MCOLN2: variants seen among roughly 807,000 people sequenced by gnomAD.
The protein encoded by MCOLN2 is mucolipin TRP cation channel 2.
A neutral mutation model predicts 67.5 loss-of-function variants in MCOLN2; 57 were observed. The observed-to-expected ratio is 0.84, with a 90% confidence interval of 0.68 to 1.05. The LOEUF is 1.05. Ranked by LOEUF, MCOLN2 falls within the 50% of genes least tolerant of loss-of-function variation. The pLI is 0.00. For missense variants in MCOLN2, 620 were observed against 678.8 expected (o/e 0.91, Z 0.96); for synonymous variants, 246 against 233.3 (o/e 1.05, Z -0.50).
At chr1:84,980,025 G>A (rs1650177166) in intron 1 of MCOLN2, among the ~76,000 whole-genome samples, 2 of 152,094 alleles carry the variant, frequency 1.3e-5, no homozygotes, top group Non-Finnish European at 2.9e-5. Flanking sequence ...ATTTCTATGT[G>A]CAAGAGTAAG....
At chr1:84,949,807 T>C (rs1421077355) in intron 6 of MCOLN2, among the ~76,000 whole-genome samples, 5 of 148,390 alleles carry the variant, frequency 3.4e-5, no homozygotes, top group Non-Finnish European at 7.4e-5. Flanking sequence ...ACAACAAAAC[T>C]GTCAGTCAAG....
At chr1:84,995,619 C>T (rs1651104603) in intron 1 of MCOLN2, among the ~76,000 whole-genome samples, 1 of 152,082 alleles carries the variant, frequency 6.6e-6, no homozygotes, top group African/African-American at 2.4e-5. Flanking sequence ...TCTTTTTCCG[C>T]CGGTTTTAAA....
chr1:84,972,119 A>G (rs973947208), intron 1 of MCOLN2: 13 of 152,212 alleles, frequency 8.5e-5, no homozygotes, highest in African/African-American at 3.1e-4. Flanking sequence ...AACTTCCATC[A>G]CAAATGAAAA....
intron 4 of MCOLN2, among the ~76,000 whole-genome samples, chr1:84,953,815 A>G (rs899014163): frequency 6.6e-6 from 1 of 152,194 alleles, no homozygotes; most frequent in African/African-American, 2.4e-5. Flanking sequence ...GGAAACAAGG[A>G]GCTCTAAAGA....
In MCOLN2 at chr1:84,950,598, A is replaced by G. The variant is rs532811483; in HGVS notation, c.747+1645T>C. ...CTTCTACCTTATGAAATTTAAATCA[A>G]TCATTTAAATCATTTACAGTTTATA... On this transcript the variant is annotated intron_variant, in intron 6 of 13. Coordinates refer to ENST00000370608, the MANE Select transcript of MCOLN2 (RefSeq NM_153259.4). Among the ~76,000 whole-genome samples the G allele has an allele frequency of 3.9e-5, 6 of 152,298 alleles. No homozygotes were observed. The South Asian group carries it at 1.0e-3, about 26-fold the overall frequency.
rs775229375 is a variant in MCOLN2, at chr1:84,965,583, A to T, written c.203T>A (p.Leu68Ter). ...GACCATGACTATCTTCAAAATCTGC[A>T]AACCCAGTTTCCACGGAATCTGGCG... ...ARRQIPWKLG[L>*]QILKIVMVTT... The change falls in exon 2 of 14, where the codon TTG becomes TAG. Residue 68 changes from leucine (L) to a stop codon, truncating the protein, a stop_gained. Coordinates refer to ENST00000370608, the MANE Select transcript of MCOLN2 (RefSeq NM_153259.4). LOFTEE classifies it high-confidence loss of function. 6.2e-7 allele frequency: 1 copy of T among 1,614,096 alleles called. No homozygotes were observed. Among genetic ancestry groups the T allele is most frequent in the Non-Finnish European group, 8.5e-7 (1 of 1,179,974 alleles).
intron 3 of MCOLN2, 117 bp from the exon 4 acceptor site, chr1:84,956,701 T>C (rs753253850): frequency 2.0e-5 from 16 of 791,774 alleles, no homozygotes; most frequent in Middle Eastern, 2.8e-4. Context: ...TGGCTCTCAA[T>C]AGAACTTCCC....
Position 84,938,095 on chromosome 1 carries a change from A to G in MCOLN2, c.1111-13T>C, listed in dbSNP as rs1647539670. ...AGTTTGTGAGATTCTAAGGAATGAA[A>G]AAAAAGAAAGAGAGAAATGAGTAAA... On this transcript the variant is annotated splice_polypyrimidine_tract_variant and intron_variant, in intron 9 of 13. Transcript: ENST00000370608. 2.5e-6 allele frequency: 4 copies of G among 1,582,946 alleles called. No individual in the cohort carries two copies. The highest frequency in any genetic ancestry group is 2.6e-6 in the Non-Finnish European group (3 of 1,157,804).
intron 1 of MCOLN2, among the ~76,000 whole-genome samples, chr1:84,988,983 T>A (rs1467652620): frequency 1.3e-5 from 2 of 152,166 alleles, no homozygotes; most frequent in Non-Finnish European, 2.9e-5. Flanking sequence ...AAATGACACC[T>A]CGGTAGAGAG....
chr1:84,965,792 G>C, intron 1 of MCOLN2, 84 bp from the exon 2 acceptor site: 1 of 1,303,446 alleles, frequency 7.7e-7, no homozygotes, highest in Admixed American at 2.1e-5. Flanking sequence ...CTAAACTTGA[G>C]TTGGTACATA....
Position 84,938,033 on chromosome 1 carries a change from A to T in MCOLN2, c.1160T>A (p.Leu387His), listed in dbSNP as rs778927325. The T allele has an allele frequency of 6.2e-7, 1 of 1,613,920 alleles. No homozygotes were observed. The highest frequency in any genetic ancestry group is 8.5e-7 in the Non-Finnish European group (1 of 1,179,964). The change falls in exon 10 of 14, where the codon CTC becomes CAC. Residue 387 changes from leucine to histidine, a missense_variant. Physicochemically the swap from Leu to His is moderately conservative, Grantham distance 99 (BLOSUM62 -3). Transcript: ENST00000370608. ...TCTGATGACTCCAACCCAAACCAAG[A>T]GCGTAGAGGTTCCAAGAAAAATGCT... ...LCSIFLGTSTLLVWVGVIRYL... is the reference protein window; with the variant it reads ...LCSIFLGTSTHLVWVGVIRYL...
chr1:84,937,859 G>T lies in MCOLN2; in HGVS notation c.1231C>A (p.Gln411Lys), dbSNP rs372015849. 4 of 1,614,054 alleles carry T rather than the reference G, an allele frequency of 2.5e-6. No individual in the cohort carries two copies. The highest frequency in any genetic ancestry group is 2.5e-6 in the Non-Finnish European group (3 of 1,180,030). Residue 411 changes from glutamine to lysine, a missense_variant, in exon 11 of 14, where the codon CAG becomes AAG. Physicochemically the swap from Gln to Lys is moderately conservative, Grantham distance 53 (BLOSUM62 1). Transcript: ENST00000370608. ...CGAAGAACTTTTGGCAGTGAGGCCT[G>T]CATTGTTAAAATCAGCACCTGAAAA... ...QAYNVLILTMQASLPKVLRFC... is the reference protein window; with the variant it reads ...QAYNVLILTMKASLPKVLRFC...
At chr1:84,971,499 TACACACACACACACACACACAC>T (rs71097870) in intron 1 of MCOLN2, among the ~76,000 whole-genome samples, 2 of 132,184 alleles carry the variant, frequency 1.5e-5, no homozygotes, top group African/African-American at 2.8e-5. Context: ...TAAACAGACA[TACACACACACACACACACACAC>T]ACACACACAC....
At chr1:84,969,075 G>C (rs1292395223) in intron 1 of MCOLN2, among the ~76,000 whole-genome samples, 3 of 152,218 alleles carry the variant, frequency 2.0e-5, no homozygotes, top group Non-Finnish European at 4.4e-5. Context: ...AGTTCCTGGA[G>C]GGTGTTGTAC....
At chr1:84,951,929 C>CA (rs917103403) in intron 6 of MCOLN2, among the ~76,000 whole-genome samples, 3 of 151,944 alleles carry the variant, frequency 2.0e-5, no homozygotes, top group Non-Finnish European at 2.9e-5. Flanking sequence ...AATAAAAACA[C>CA]AAAAAAGTTA....
At chr1:84,956,901 C>A (rs1570989905) in intron 3 of MCOLN2, among the ~76,000 whole-genome samples, 1 of 152,196 alleles carries the variant, frequency 6.6e-6, no homozygotes, top group African/African-American at 2.4e-5. Context: ...GCCCTCCAGG[C>A]AGTTCCTGGA....
Position 84,940,872 on chromosome 1 carries a change from C to T in MCOLN2, c.960+7G>A. ...AGGGCAGGAAGAGAATGCGAACACA[C>T]TCTTACCTTCCGTAACCTTAGAGCA... is the stretch of plus-strand genomic sequence containing the variant. On this transcript the variant is annotated splice_region_variant and intron_variant, in intron 8 of 13. Transcript: ENST00000370608. 1.3e-6 allele frequency: 2 copies of T among 1,598,612 alleles called. No homozygotes were observed. Among genetic ancestry groups the T allele is most frequent in the Non-Finnish European group, 1.7e-6 (2 of 1,167,926 alleles).
intron 1 of MCOLN2, among the ~76,000 whole-genome samples, chr1:84,991,890 T>C (rs1650905109): frequency 6.6e-6 from 1 of 152,220 alleles, no homozygotes; most frequent in Non-Finnish European, 1.5e-5. Flanking sequence ...GGATTCCACA[T>C]GCAGTTAAAA....
At position 84,939,449 on chromosome 1, in the gene MCOLN2, A is replaced by T. The variant is rs1167268696; in HGVS notation, c.1110+104T>A. The T allele has an allele frequency of 3.6e-5, 41 of 1,139,122 alleles. No individual in the cohort carries two copies. In the South Asian group the frequency reaches 5.9e-4, roughly 16 times the overall value. 70.6% of individuals were successfully genotyped at this position (1,139,122 alleles called of 1,614,324 possible). On this transcript the variant is annotated intron_variant, in intron 9 of 13. Transcript: ENST00000370608. ...ACTTGTGCTGGTGTGAGAAAAGGGAAGACACGAGAATCAAAGTGGTCTCCA... is the reference window on the plus strand; with the variant it reads ...ACTTGTGCTGGTGTGAGAAAAGGGATGACACGAGAATCAAAGTGGTCTCCA...
Sources: allele counts gnomAD v4.1 joint callset (sites outside exome capture counted in the v4.1 genomes callset), GRCh38; gene constraint gnomAD v4.1.1; transcripts MANE v1.5; gene names NCBI Gene and HGNC (gene_info 2026-07-23, HGNC 2026-07-21).